The following PIH1D2 variants were observed in gnomAD, a reference collection of about 807,000 sequenced individuals.
PIH1D2 encodes the protein PIH1 domain-containing protein 2.
Under a neutral mutation model 31.2 loss-of-function variants are expected in PIH1D2, and 25 were observed. The observed-to-expected ratio is 0.80, with a 90% CI of 0.58 to 1.12. The LOEUF is 1.12. PIH1D2 is among the 50% of genes most tolerant of loss of function. The pLI is 0.00. For missense variants in PIH1D2, 310 were observed against 356.6 expected, an observed-to-expected ratio of 0.87 and a Z score of 1.05; for synonymous variants, 116 against 119.9, an observed-to-expected ratio of 0.97 and a Z score of 0.21.
chr11:112,070,496 C>G lies in PIH1D2; in HGVS notation c.753G>C (p.Glu251Asp). 6.2e-7 allele frequency: 1 copy of G among 1,614,074 alleles called. No homozygotes were observed. The highest frequency in any genetic ancestry group is 8.5e-7 in the Non-Finnish European group (1 of 1,180,004). ...HDHSEKPLKI[E>D]LKVELPGINS... ...TAATACCAGGTAATTCAACTTTCAA[C>G]TCAATTTTCAGAGGTTTCTCACTGT... The change falls in exon 5 of 6, where the codon GAG (glutamate) becomes GAC (aspartate). Residue 251 changes from glutamate to aspartate, a missense_variant. By Grantham distance (45) the Glu-to-Asp change is conservative. Transcript: ENST00000280350.
chr11:112,059,911 T>C, downstream of PIH1D2: 1 of 1,606,966 alleles, frequency 6.2e-7, no homozygotes, highest in Non-Finnish European at 8.5e-7. Context: ...AGAAATCATG[T>C]TGTTGATGTC....
rs933925446 is a variant in PIH1D2 at position 112,072,890 on chromosome 11, A to C, written c.177+108T>G. 1.2e-5 allele frequency: 13 copies of C among 1,067,884 alleles called. No homozygotes were observed. In the African/African-American group the frequency reaches 1.7e-4, roughly 14 times the overall value. 66.2% of individuals were successfully genotyped at this position (1,067,884 alleles called of 1,614,324 possible). The stretch of plus-strand genomic sequence containing the variant: ...AAAACAAAACAAAACAAAACAAAAC[A>C]AAAAAAAAACAAAAAAAATTAGCAA... On this transcript the variant is annotated intron_variant, in intron 2 of 5. Coordinates refer to ENST00000280350, the MANE Select transcript of PIH1D2 (RefSeq NM_138789.4).
In PIH1D2 at chr11:112,071,245, C is replaced by A; in HGVS notation, c.340G>T (p.Val114Phe). 6.2e-7 allele frequency: 1 copy of A among 1,613,628 alleles called. No individual in the cohort carries two copies. The highest frequency in any genetic ancestry group is 8.5e-7 in the Non-Finnish European group (1 of 1,179,770). ...TGGTCCTTTTCTGCTGCATGAAGAA[C>A]ATCAGGATTGTAGGCAACATCAATG... is the stretch of plus-strand genomic sequence containing the variant. Reference protein sequence around the residue: ...TVIDVAYNPDVLHAAEKDQVK... With the variant: ...TVIDVAYNPDFLHAAEKDQVK... The change falls in exon 4 of 6, where the codon GTT (valine) becomes TTT (phenylalanine). Residue 114 changes from valine (V) to phenylalanine (F), a missense_variant. By Grantham distance (50) the Val-to-Phe change is conservative (BLOSUM62 -1). Coordinates refer to ENST00000280350, the MANE Select transcript of PIH1D2 (RefSeq NM_138789.4).
At chr11:112,053,534 C>T in the PIH1D2 span, among the ~76,000 whole-genome samples, 2 of 151,962 alleles carry the variant, frequency 1.3e-5, no homozygotes, top group Admixed American at 6.5e-5. Flanking sequence ...CTCACTGCAA[C>T]CTCCGCCTCC....
At chr11:112,064,298 C>T (rs1055297621), downstream of PIH1D2, 8 of 1,254,184 alleles carry the variant, frequency 6.4e-6, no homozygotes, top group South Asian at 3.1e-5. Flanking sequence ...TAATCTAAAT[C>T]GATTCAGTCT....
chr11:112,060,790 C>T (rs189985197), downstream of PIH1D2, among the ~76,000 whole-genome samples: 3 of 152,206 alleles, frequency 2.0e-5, no homozygotes, highest in African/African-American at 7.2e-5. Context: ...TATTGACACA[C>T]CGTTCTGAAA....
intron 2 of PIH1D2, 47 bp from the exon 3 acceptor site, chr11:112,071,805 A>G: frequency 6.2e-7 from 1 of 1,603,716 alleles, no homozygotes; most frequent in Non-Finnish European, 8.5e-7. Context: ...GTTTAAAACC[A>G]TTTAAGGCCA....
chr11:112,068,430 C>T (rs1262499799), intron 5 of PIH1D2, among the ~76,000 whole-genome samples: 3 of 152,156 alleles, frequency 2.0e-5, no homozygotes, highest in Admixed American at 6.5e-5. Context: ...CTGTTCACTA[C>T]ATTTAACAGG....
At chr11:112,059,023 C>T (rs1430557736), downstream of PIH1D2, among the ~76,000 whole-genome samples, 1 of 151,688 alleles carries the variant, frequency 6.6e-6, no homozygotes, top group Non-Finnish European at 1.5e-5. Context: ...GATTGGGACT[C>T]CTTGATAACA....
At chr11:112,055,048 T>C in the PIH1D2 span, among the ~76,000 whole-genome samples, 4 of 152,096 alleles carry the variant, frequency 2.6e-5, no homozygotes, top group Admixed American at 1.3e-4. Flanking sequence ...TAAGGTCACA[T>C]TGATAGGTTC....
At chr11:112,073,529 A>C (rs1225057638) in intron 1 of PIH1D2, among the ~76,000 whole-genome samples, 2 of 152,120 alleles carry the variant, frequency 1.3e-5, no homozygotes, top group Non-Finnish European at 2.9e-5. Flanking sequence ...TGAAATTGCC[A>C]GAGGTGTGGT....
chr11:112,068,628 A>G (rs1865008645), intron 5 of PIH1D2, among the ~76,000 whole-genome samples: 2 of 152,236 alleles, frequency 1.3e-5, no homozygotes, highest in Middle Eastern at 6.8e-3. Context: ...TACTAAAAAT[A>G]CAAAAATTAG....
chr11:112,059,172 C>T (rs1555182907), downstream of PIH1D2, among the ~76,000 whole-genome samples: 1 of 152,104 alleles, frequency 6.6e-6, no homozygotes, highest in African/African-American at 2.4e-5. Context: ...CTCTTCCTTT[C>T]ATCTGCTCAA....
chr11:112,062,874 G>C (rs1555183456), downstream of PIH1D2: 1 of 278,836 alleles, frequency 3.6e-6, no homozygotes, highest in Non-Finnish European at 7.0e-6. Context: ...GTACATAAAG[G>C]TGACCCTGAT....
chr11:112,058,762 G>A (rs1416740997), downstream of PIH1D2, among the ~76,000 whole-genome samples: 8 of 151,536 alleles, frequency 5.3e-5, no homozygotes, highest in African/African-American at 1.9e-4. Context: ...ATATCACATT[G>A]TAGTTGTATA....
At chr11:112,061,266 C>T (rs1304215499), downstream of PIH1D2, 2 of 1,395,072 alleles carry the variant, frequency 1.4e-6, no homozygotes, top group Non-Finnish European at 2.0e-6. Context: ...GCTCCAGGAA[C>T]CCCCTCAAAT....
At chr11:112,060,562 C>G (rs1864522506), downstream of PIH1D2, among the ~76,000 whole-genome samples, 1 of 152,134 alleles carries the variant, frequency 6.6e-6, no homozygotes. Flanking sequence ...TCAAGCAATT[C>G]TCCTACCTCT....
intron 3 of PIH1D2, 152 bp downstream of exon 3, chr11:112,071,483 A>G (rs1865107887): frequency 1.6e-6 from 2 of 1,250,366 alleles, no homozygotes; most frequent in South Asian, 3.1e-5. Flanking sequence ...TTATTACAAA[A>G]GTTAAACAGT....
downstream of PIH1D2, chr11:112,060,129 C>T (rs1864470974): frequency 2.8e-6 from 3 of 1,066,552 alleles, no homozygotes; most frequent in East Asian, 2.7e-5. Context: ...GCATTTATTG[C>T]ATTTTTCACC....
Sources: gnomAD v4.1 joint callset for allele counts (sites outside exome capture counted in the v4.1 genomes callset) on GRCh38, gnomAD v4.1.1 for gene constraint, MANE v1.5 for transcripts, NCBI Gene and HGNC (gene_info 2026-07-23, HGNC 2026-07-21) for gene names.